FHIT: variants seen among roughly 807,000 people sequenced by gnomAD.
FHIT encodes bis(5'-adenosyl)-triphosphatase.
In FHIT, 19 loss-of-function variants were observed where a neutral mutation model predicts 17.9. The observed-to-expected ratio is 1.06, with a 90% CI of 0.74 to 1.56. The LOEUF is 1.56. Among genes scored for constraint, FHIT ranks in the 40% most tolerant of loss-of-function variants. The pLI is 0.00. For synonymous variants in FHIT, 81 were observed against 69.7 expected (o/e 1.16, Z -0.81); for missense variants, 248 against 189.2 (o/e 1.31, Z -1.82).
chr3:59,837,856 G>T (rs938327993), intron 8 of FHIT, among the ~76,000 whole-genome samples: 1 of 151,964 alleles, frequency 6.6e-6, no homozygotes, highest in African/African-American at 2.4e-5. Flanking sequence ...GGTGTGGGGG[G>T]GTGGTGTGGG....
intron 5 of FHIT, among the ~76,000 whole-genome samples, chr3:60,301,122 C>G (rs1435414486): frequency 6.6e-6 from 1 of 152,056 alleles, no homozygotes; most frequent in Non-Finnish European, 1.5e-5. Flanking sequence ...AAACGGTTTT[C>G]TCTTATTTAT....
At chr3:60,323,571 G>T (rs542894510) in intron 5 of FHIT, among the ~76,000 whole-genome samples, 2 of 152,160 alleles carry the variant, frequency 1.3e-5, no homozygotes, top group Non-Finnish European at 2.9e-5. Context: ...ACTCCACAGG[G>T]AGAGGAGGAA....
intron 2 of FHIT, among the ~76,000 whole-genome samples, chr3:61,192,822 G>C (rs1246279798): frequency 6.6e-6 from 1 of 152,114 alleles, no homozygotes; most frequent in East Asian, 1.9e-4. Flanking sequence ...TTAATCATGT[G>C]ATCATCTGAC....
chr3:59,983,098 C>T (rs1457250409), intron 7 of FHIT, among the ~76,000 whole-genome samples: 1 of 151,828 alleles, frequency 6.6e-6, no homozygotes, highest in Admixed American at 6.6e-5. Flanking sequence ...GCCACCATGC[C>T]CAGCTAATAT....
chr3:60,833,313 T>C (rs1183463614), intron 3 of FHIT, among the ~76,000 whole-genome samples: 1 of 152,186 alleles, frequency 6.6e-6, no homozygotes, highest in African/African-American at 2.4e-5. Context: ...TCCCAGGCTA[T>C]GCGGATTGGG....
intron 3 of FHIT, among the ~76,000 whole-genome samples, chr3:60,887,913 C>T (rs886653637): frequency 5.3e-5 from 8 of 152,088 alleles, no homozygotes; most frequent in East Asian, 1.9e-4. Flanking sequence ...TAAACATGAA[C>T]GTCTATATGG....
At chr3:60,641,403 A>G (rs1301055844) in intron 4 of FHIT, among the ~76,000 whole-genome samples, 1 of 152,180 alleles carries the variant, frequency 6.6e-6, no homozygotes, top group African/African-American at 2.4e-5. Flanking sequence ...CCTATGACCT[A>G]TATTCTATTC....
chr3:60,810,186 G>T (rs1701531182), intron 4 of FHIT, among the ~76,000 whole-genome samples: 1 of 152,078 alleles, frequency 6.6e-6, no homozygotes, highest in Non-Finnish European at 1.5e-5. Context: ...CTTCCCTTTA[G>T]TTTTCATCAG....
chr3:61,096,254 C>A (rs1009929392), intron 2 of FHIT, among the ~76,000 whole-genome samples: 1 of 152,168 alleles, frequency 6.6e-6, no homozygotes, highest in Non-Finnish European at 1.5e-5. Flanking sequence ...AATAATAATG[C>A]CTCTACCTTG....
chr3:60,208,540 C>G (rs934657360), intron 5 of FHIT, among the ~76,000 whole-genome samples: 1 of 152,186 alleles, frequency 6.6e-6, no homozygotes, highest in Non-Finnish European at 1.5e-5. Context: ...TAAATTTACA[C>G]TTAGCATTTA....
intron 1 of FHIT, among the ~76,000 whole-genome samples, chr3:61,245,365 C>A (rs1349210591): frequency 6.6e-6 from 1 of 152,136 alleles, no homozygotes; most frequent in Non-Finnish European, 1.5e-5. Flanking sequence ...TAGAAAGTAG[C>A]AGAACCAAGA....
intron 5 of FHIT, among the ~76,000 whole-genome samples, chr3:60,073,270 C>T (rs950846500): frequency 6.6e-6 from 1 of 152,026 alleles, no homozygotes; most frequent in Admixed American, 6.6e-5. Flanking sequence ...TTCCTGACCC[C>T]TTTAATATGT....
At chr3:61,128,145 G>T (rs1222098696) in intron 2 of FHIT, among the ~76,000 whole-genome samples, 2 of 152,118 alleles carry the variant, frequency 1.3e-5, no homozygotes, top group Admixed American at 1.3e-4. Flanking sequence ...GTTATTTAGT[G>T]CAAGGACAAC....
At chr3:61,059,861 T>C (rs1381053873) in intron 2 of FHIT, among the ~76,000 whole-genome samples, 3 of 152,232 alleles carry the variant, frequency 2.0e-5, no homozygotes, top group Non-Finnish European at 2.9e-5. Flanking sequence ...CCTGTCTATG[T>C]AGGGTCTGAA....
intron 5 of FHIT, among the ~76,000 whole-genome samples, chr3:60,059,831 A>C (rs917618714): frequency 6.6e-6 from 1 of 152,182 alleles, no homozygotes; most frequent in South Asian, 2.1e-4. Flanking sequence ...TAGCTTTGCA[A>C]TAAGTTTACC....
intron 5 of FHIT, among the ~76,000 whole-genome samples, chr3:60,516,766 C>T (rs1008964995): frequency 6.6e-5 from 10 of 152,270 alleles, no homozygotes; most frequent in Admixed American, 2.0e-4. Context: ...GAAGCATCTC[C>T]GCCAGAGTAA....
chr3:60,150,987 A>C (rs1700439766), intron 5 of FHIT, among the ~76,000 whole-genome samples: 1 of 152,184 alleles, frequency 6.6e-6, no homozygotes, highest in South Asian at 2.1e-4. Context: ...ATGGAATTAA[A>C]GACCCCCAAC....
intron 2 of FHIT, among the ~76,000 whole-genome samples, chr3:61,128,623 A>G (rs991299210): frequency 1.1e-4 from 16 of 152,250 alleles, no homozygotes; most frequent in African/African-American, 3.1e-4. Flanking sequence ...TTATCCCCCA[A>G]AAGCAGCAGC....
intron 8 of FHIT, among the ~76,000 whole-genome samples, chr3:59,764,900 A>G (rs1701717821): frequency 2.8e-5 from 1 of 36,014 alleles, no homozygotes; most frequent in African/African-American, 5.7e-5. Context: ...ACACACACAC[A>G]CACACACACA....
Sources: allele counts gnomAD v4.1 joint callset (sites outside exome capture counted in the v4.1 genomes callset), GRCh38; gene constraint gnomAD v4.1.1; transcripts MANE v1.5; gene names NCBI Gene and HGNC (gene_info 2026-07-23, HGNC 2026-07-21).